The following TIMD4 variants were observed in gnomAD, a reference collection of about 807,000 sequenced individuals.
The protein encoded by TIMD4 is T-cell immunoglobulin and mucin domain-containing protein 4.
TIMD4 carries 31 observed loss-of-function variants against 41.2 expected under a neutral mutation model. The ratio of observed to expected loss-of-function variants is 0.75; its 90% CI spans 0.57 to 1.01. TIMD4 has a LOEUF of 1.01. Ranked by LOEUF, TIMD4 falls within the 50% of genes least tolerant of loss-of-function variation. The pLI is 0.00. For missense variants in TIMD4, 479 were observed against 472.5 expected, an observed-to-expected ratio of 1.01 and a Z score of -0.13; for synonymous variants, 204 against 177.1, an observed-to-expected ratio of 1.15 and a Z score of -1.21.
Position 156,949,576 on chromosome 5 carries a change from A to G in TIMD4, c.760+75T>C, listed in dbSNP as rs1308760215. ...AAAGAGGTTGTCAGTCATCTGATTC[A>G]GCAAGACTTTTAGTAATTTCCTTCT... On this transcript the variant is annotated intron_variant, in intron 4 of 8. Transcript: ENST00000274532. 3.1e-6 allele frequency: 4 copies of G among 1,292,936 alleles called. No homozygotes were observed. In the East Asian group the frequency reaches 7.1e-5, roughly 23 times the overall value. The allele number at this position is 1,292,936 out of a possible 1,614,324, so 80.1% of individuals were successfully genotyped here.
chr5:156,956,629 A>G lies in TIMD4; in HGVS notation c.59-1873T>C, dbSNP rs570904275. ...CTCTAAGATTCCTTTCATCTCTGAC[A>G]ATCTGCAAAACATTTTCACTGTTAA... On this transcript the variant is annotated intron_variant, in intron 1 of 8. Transcript: ENST00000274532. 7.9e-5 allele frequency among the ~76,000 whole-genome samples: 12 copies of G among 152,364 alleles called. No individual in the cohort carries two copies. The South Asian group carries it at 2.5e-3, about 32-fold the overall frequency.
intron 5 of TIMD4, among the ~76,000 whole-genome samples, chr5:156,939,623 C>T (rs957733072): frequency 6.6e-6 from 1 of 152,200 alleles, no homozygotes; most frequent in Admixed American, 6.5e-5. Context: ...CTCAAGATCT[C>T]ACACACAAAC....
chr5:156,948,075 C>A (rs898305034), intron 5 of TIMD4, among the ~76,000 whole-genome samples: 3 of 152,162 alleles, frequency 2.0e-5, no homozygotes, highest in Non-Finnish European at 4.4e-5. Flanking sequence ...ATGCTTGCAG[C>A]ATGTTTTGCT....
At chr5:156,920,830 C>G (rs1759223335) in intron 7 of TIMD4, among the ~76,000 whole-genome samples, 1 of 152,170 alleles carries the variant, frequency 6.6e-6, no homozygotes, top group Non-Finnish European at 1.5e-5. Flanking sequence ...TCAGAATTTT[C>G]CAAAACTGTA....
chr5:156,947,165 T>A (rs1759760321), intron 5 of TIMD4, among the ~76,000 whole-genome samples: 1 of 151,346 alleles, frequency 6.6e-6, no homozygotes. Context: ...ACCACTGCAC[T>A]CCAACTTGGG....
At chr5:156,932,751 A>G (rs752095909) in intron 5 of TIMD4, among the ~76,000 whole-genome samples, 5 of 152,242 alleles carry the variant, frequency 3.3e-5, no homozygotes, top group African/African-American at 4.8e-5. Flanking sequence ...TCACGCCTGT[A>G]ATCCCAGCAC....
At chr5:156,947,678 T>C (rs1759769638) in intron 5 of TIMD4, among the ~76,000 whole-genome samples, 1 of 152,210 alleles carries the variant, frequency 6.6e-6, no homozygotes, top group South Asian at 2.1e-4. Context: ...AAATGCAGAA[T>C]GCTGCATATA....
chr5:156,944,009 G>A lies in TIMD4; in HGVS notation c.844+4407C>T, dbSNP rs1759692112. On this transcript the variant is annotated intron_variant, in intron 5 of 8. Transcript: ENST00000274532. ...CAGGAGGCAAAGCTTGCAGTGAGCC[G>A]AGACCATGCCACTGCACTCCAGCCT... 2.0e-5 allele frequency among the ~76,000 whole-genome samples: 3 copies of A among 151,038 alleles called. No individual in the cohort carries two copies. The South Asian group carries it at 6.3e-4, about 32-fold the overall frequency.
chr5:156,926,240 C>T (rs1371193327), intron 6 of TIMD4, 23 bp downstream of exon 6: 1 of 1,611,900 alleles, frequency 6.2e-7, no homozygotes, highest in Admixed American at 1.7e-5. Context: ...TGATATACTG[C>T]AAATACTTCA....
In TIMD4 at chr5:156,952,837, T is replaced by C. The variant is rs1343887452; in HGVS notation, c.401-1047A>G. On this transcript the variant is annotated intron_variant, in intron 2 of 8. Coordinates refer to ENST00000274532, the MANE Select transcript of TIMD4 (RefSeq NM_138379.3). ...AAATCCAATAACTATCACAGTGTCTTGCATATAGTAGGTGCTCCAAAAACA... is the reference window on the plus strand; with the variant it reads ...AAATCCAATAACTATCACAGTGTCTCGCATATAGTAGGTGCTCCAAAAACA... 2.0e-5 allele frequency among the ~76,000 whole-genome samples: 3 copies of C among 152,244 alleles called. No homozygotes were observed. In the East Asian group the frequency reaches 5.8e-4, roughly 29 times the overall value.
Position 156,960,405 on chromosome 5 carries a change from CTT to C in TIMD4, c.58+2734_58+2735del, listed in dbSNP as rs1223450556. ...TCTGTAGATTGTTTTTTTCTTCCCC[CTT>C]TTTTTTTTTTTTTTTTTCAGAAAGA... is the stretch of plus-strand genomic sequence containing the variant. On this transcript the variant is annotated intron_variant, in intron 1 of 8. Coordinates refer to ENST00000274532, the MANE Select transcript of TIMD4 (RefSeq NM_138379.3). Among the ~76,000 whole-genome samples, 143 of 135,248 alleles carry C rather than the reference CTT, an allele frequency of 1.1e-3. 1 individual carries two copies. Among genetic ancestry groups the C allele is most frequent in the African/African-American group, 3.3e-3 (119 of 36,158 alleles). 88.7% of individuals were successfully genotyped at this position (135,248 alleles called of 152,430 possible).
In TIMD4 at chr5:156,926,312, G is replaced by T. The variant is rs2113344773; in HGVS notation, c.845C>A (p.Ala282Glu). 1 of 1,613,538 alleles carries T rather than the reference G, an allele frequency of 6.2e-7. No individual in the cohort carries two copies. Among genetic ancestry groups the T allele is most frequent in the Non-Finnish European group, 8.5e-7 (1 of 1,179,632 alleles). Reference protein sequence around the residue: ...SDSVSSPQPGASDTAVPEQNK... With the variant: ...SDSVSSPQPGESDTAVPEQNK... ...CTGCTCAGGAACTGCTGTATCAGAT[G>T]CTGGGAAGGAAAAGAGAAGAAAATG... Residue 282 changes from alanine (A) to glutamate (E), a missense_variant and splice_region_variant, in exon 6 of 9, where the codon GCA (alanine) becomes GAA (glutamate). Transcript: ENST00000274532.
chr5:156,956,564 T>G (rs1214594198), intron 1 of TIMD4, among the ~76,000 whole-genome samples: 3 of 152,244 alleles, frequency 2.0e-5, no homozygotes, highest in Admixed American at 6.5e-5. Flanking sequence ...TTGATGTAGT[T>G]GACTACCCAT....
chr5:156,933,805 C>A (rs10070301), intron 5 of TIMD4, among the ~76,000 whole-genome samples: 3,506 of 152,202 alleles, frequency 0.023, 73 homozygotes, highest in African/African-American at 0.058. Flanking sequence ...TGTGATCCAC[C>A]CACCTTGGCC....
Position 156,946,555 on chromosome 5 carries a change from C to T in TIMD4, c.844+1861G>A, listed in dbSNP as rs201097749. On this transcript the variant is annotated intron_variant, in intron 5 of 8. Coordinates refer to ENST00000274532, the MANE Select transcript of TIMD4 (RefSeq NM_138379.3). ...GCAGTGGCACAATCTCGGCTCACTG[C>T]AAGCTCCGCCTCCCAGGTTCACGCC... Among the ~76,000 whole-genome samples, 6 of 152,248 alleles carry T rather than the reference C, an allele frequency of 3.9e-5. No individual in the cohort carries two copies. In the East Asian group the frequency reaches 1.2e-3, roughly 30 times the overall value.
rs3068101 is a variant in TIMD4, at chr5:156,957,512, C to CAAAAAAAAAAA, written c.59-2767_59-2757dup. On this transcript the variant is annotated intron_variant, in intron 1 of 8. Transcript: ENST00000274532. ...TGGGTGACAGAGCGAGAGTCTATCT[C>CAAAAAAAAAAA]AAAAAAAAAAAAGAAAAAAGAAAAA... Among the ~76,000 whole-genome samples the CAAAAAAAAAAA allele has an allele frequency of 1.6e-4, 18 of 113,776 alleles. 2 individuals carry two copies. The highest frequency in any genetic ancestry group is 2.6e-4 in the East Asian group (1 of 3,822). The allele number at this position is 113,776 out of a possible 152,430, so 74.6% of individuals were successfully genotyped here. A position where few individuals can be genotyped will look rare whatever the true frequency, so the allele number is the denominator to read the frequency against.
In TIMD4 at chr5:156,934,838, C is replaced by G. The variant is rs185952390; in HGVS notation, c.845-8526G>C. On this transcript the variant is annotated intron_variant, in intron 5 of 8. Transcript: ENST00000274532. ...GAAATCAACGGAAAAGAAGAGCACT[C>G]TGTCTTCTCAGTGGGTGCATTTTAA... Among the ~76,000 whole-genome samples, 231 of 152,298 alleles carry G rather than the reference C, an allele frequency of 1.5e-3. 1 individual carries two copies. The highest frequency in any genetic ancestry group is 5.4e-3 in the African/African-American group (224 of 41,558).
At chr5:156,959,249 T>C (rs2113398813) in intron 1 of TIMD4, among the ~76,000 whole-genome samples, 1 of 152,314 alleles carries the variant, frequency 6.6e-6, no homozygotes, top group African/African-American at 2.4e-5. Context: ...TAAGCTCACA[T>C]TGTAAACCCC....
At chr5:156,929,073 G>T (rs1263699331) in intron 5 of TIMD4, among the ~76,000 whole-genome samples, 12 of 152,158 alleles carry the variant, frequency 7.9e-5, no homozygotes, top group Non-Finnish European at 1.8e-4. Context: ...GATGCTAAAA[G>T]CCCAAATGGG....
Sources: allele counts gnomAD v4.1 joint callset (sites outside exome capture counted in the v4.1 genomes callset), GRCh38; gene constraint gnomAD v4.1.1; transcripts MANE v1.5; gene names NCBI Gene and HGNC (gene_info 2026-07-23, HGNC 2026-07-21).